PECR: variants seen among roughly 807,000 people sequenced by gnomAD.
PECR encodes the protein peroxisomal trans-2-enoyl-CoA reductase.
PECR carries 30 observed loss-of-function variants against 35.3 expected under a neutral mutation model. The observed-to-expected ratio is 0.85, with a 90% CI of 0.64 to 1.15. The LOEUF is 1.15. PECR is among the 50% of genes most tolerant of loss of function. PECR has a pLI of 0.00. For synonymous variants in PECR, 148 were observed against 138.9 expected, an observed-to-expected ratio of 1.07 and a Z score of -0.46; for missense variants, 392 against 370.8, an observed-to-expected ratio of 1.06 and a Z score of -0.47.
intron 1 of PECR, among the ~76,000 whole-genome samples, chr2:216,072,675 T>C (rs552858598): frequency 7.9e-5 from 12 of 152,336 alleles, no homozygotes; most frequent in Non-Finnish European, 1.5e-4. Flanking sequence ...TCCAGTTCTA[T>C]CCATGTTCCT....
Position 216,043,922 on chromosome 2 carries a change from G to C in PECR, c.808C>G (p.His270Asp). Reference protein sequence around the residue: ...DVDGGRSLYTHSYEVPDHDNW... With the variant: ...DVDGGRSLYTDSYEVPDHDNW... ...TGCTCACCTGGTACCTCATACGAGT[G>C]AGTATAGAGACTCCGGCCCCCATCC... is the stretch of plus-strand genomic sequence containing the variant. Residue 270 changes from histidine (H) to aspartate (D), a missense_variant, in exon 7 of 8, where the codon CAC (histidine) becomes GAC (aspartate). Coordinates refer to ENST00000265322, the MANE Select transcript of PECR (RefSeq NM_018441.6). The C allele has an allele frequency of 6.3e-7, 1 of 1,590,576 alleles. No homozygotes were observed. The highest frequency in any genetic ancestry group is 8.6e-7 in the Non-Finnish European group (1 of 1,158,280).
At chr2:216,075,317 A>G (rs1384839613) in intron 1 of PECR, among the ~76,000 whole-genome samples, 2 of 152,194 alleles carry the variant, frequency 1.3e-5, no homozygotes, top group Non-Finnish European at 2.9e-5. Context: ...GTAGGAAAAA[A>G]AACCATTACA....
chr2:216,032,278 G>T (rs906693114), intron 7 of PECR, among the ~76,000 whole-genome samples: 5 of 152,180 alleles, frequency 3.3e-5, no homozygotes, highest in African/African-American at 1.2e-4. Context: ...AAGCCAAATG[G>T]TCCAAAATAT....
At chr2:216,068,924 G>C (rs897053808) in intron 1 of PECR, among the ~76,000 whole-genome samples, 1 of 147,420 alleles carries the variant, frequency 6.8e-6, no homozygotes, top group Non-Finnish European at 1.5e-5. Context: ...TAAAGGTATA[G>C]TTCAAAGCAA....
rs1212855457 is a variant in PECR at position 216,043,838 on chromosome 2, T to C, written c.826+66A>G. The stretch of plus-strand genomic sequence containing the variant: ...TCATCTCTTAAGTAACTACTTATAA[T>C]AAATTTTAAACCCCTGAACATGACA... On this transcript the variant is annotated intron_variant, in intron 7 of 7. Coordinates refer to ENST00000265322, the MANE Select transcript of PECR (RefSeq NM_018441.6). 20 of 824,598 alleles carry C rather than the reference T, an allele frequency of 2.4e-5. No individual in the cohort carries two copies. In the East Asian group the frequency reaches 3.4e-4, roughly 14 times the overall value. The allele number at this position is 824,598 out of a possible 1,614,324, so 51.1% of individuals were successfully genotyped here. A position where few individuals can be genotyped will look rare whatever the true frequency, so the allele number is the denominator to read the frequency against.
chr2:216,081,137 T>G (rs143261766), intron 1 of PECR, among the ~76,000 whole-genome samples: 368 of 152,352 alleles, frequency 2.4e-3, no homozygotes, highest in African/African-American at 8.3e-3. Flanking sequence ...CCCTCACTTA[T>G]GTGTTTACAA....
chr2:216,034,555 A>G (rs1694763529), downstream of PECR, among the ~76,000 whole-genome samples: 1 of 151,800 alleles, frequency 6.6e-6, no homozygotes, highest in South Asian at 2.1e-4. Context: ...TCTCCTTCAC[A>G]GTTGTCAGAA....
At chr2:216,042,051 G>A (rs952334816) in intron 7 of PECR, among the ~76,000 whole-genome samples, 8 of 152,180 alleles carry the variant, frequency 5.3e-5, no homozygotes, top group African/African-American at 7.2e-5. Context: ...AGAGGGGGTC[G>A]TGGGAACCCC....
intron 6 of PECR, among the ~76,000 whole-genome samples, chr2:216,047,822 A>G (rs1237524896): frequency 6.6e-6 from 1 of 152,166 alleles, no homozygotes; most frequent in African/African-American, 2.4e-5. Context: ...AATTTAGGGA[A>G]ACCTGACTTT....
At chr2:216,069,725 C>G (rs922481139) in intron 1 of PECR, among the ~76,000 whole-genome samples, 1 of 152,024 alleles carries the variant, frequency 6.6e-6, no homozygotes, top group Non-Finnish European at 1.5e-5. Context: ...ATCACAAGGT[C>G]AGCAGTTCGA....
intron 6 of PECR, among the ~76,000 whole-genome samples, chr2:216,045,949 A>C (rs1331377719): frequency 6.6e-6 from 1 of 152,138 alleles, no homozygotes; most frequent in Non-Finnish European, 1.5e-5. Flanking sequence ...AGGCCGAGGC[A>C]GGTGGATCAC....
intron 3 of PECR, among the ~76,000 whole-genome samples, chr2:216,062,162 C>A (rs1365031952): frequency 1.3e-5 from 2 of 151,842 alleles, no homozygotes; most frequent in Non-Finnish European, 2.9e-5. Flanking sequence ...TCTCCTGCCT[C>A]AGCCTCCCAA....
chr2:216,066,005 T>A (rs536389497), intron 2 of PECR, among the ~76,000 whole-genome samples: 1 of 152,284 alleles, frequency 6.6e-6, no homozygotes, highest in East Asian at 1.9e-4. Flanking sequence ...GCACCTATAG[T>A]CCCAGCTACT....
At chr2:216,030,164 T>TA (rs1198798041) in intron 7 of PECR, among the ~76,000 whole-genome samples, 1 of 152,216 alleles carries the variant, frequency 6.6e-6, no homozygotes, top group East Asian at 1.9e-4. Context: ...GACAAATTTG[T>TA]AAAAATATAG....
intron 7 of PECR, among the ~76,000 whole-genome samples, chr2:216,040,376 C>T (rs2105941636): frequency 6.6e-6 from 1 of 152,288 alleles, no homozygotes; most frequent in East Asian, 1.9e-4. Flanking sequence ...GATCCTCCCA[C>T]CTAAGCCTCC....
chr2:216,046,306 A>ATTTT (rs1249960961), intron 6 of PECR, among the ~76,000 whole-genome samples: 2 of 115,472 alleles, frequency 1.7e-5, no homozygotes, highest in African/African-American at 8.0e-5. Flanking sequence ...ATATATATAT[A>ATTTT]TATATTTTTT....
Position 216,043,071 on chromosome 2 carries a change from G to GTATA in PECR, c.826+829_826+832dup, listed in dbSNP as rs71047966. On this transcript the variant is annotated intron_variant, in intron 7 of 7. Coordinates refer to ENST00000265322, the MANE Select transcript of PECR (RefSeq NM_018441.6). ...TATATACACATACGTATATATGTAT[G>GTATA]TATATATATACACATACATATATAT... 5.8e-4 allele frequency among the ~76,000 whole-genome samples: 74 copies of GTATA among 127,726 alleles called. 1 individual carries two copies. Among genetic ancestry groups the GTATA allele is most frequent in the South Asian group, 1.5e-3 (6 of 4,026 alleles). The allele number at this position is 127,726 out of a possible 152,430, so 83.8% of individuals were successfully genotyped here. A position where few individuals can be genotyped will look rare whatever the true frequency, so the allele number is the denominator to read the frequency against.
chr2:216,068,822 T>C (rs947468822), intron 1 of PECR, among the ~76,000 whole-genome samples: 11 of 150,332 alleles, frequency 7.3e-5, no homozygotes, highest in South Asian at 2.1e-4. Flanking sequence ...TTTTTTTTTT[T>C]TTTTTTTTTA....
At chr2:216,042,107 A>T (rs1386939071) in intron 7 of PECR, among the ~76,000 whole-genome samples, 1 of 152,166 alleles carries the variant, frequency 6.6e-6, no homozygotes, top group Non-Finnish European at 1.5e-5. Flanking sequence ...CAGACTTGTG[A>T]TGGTGTCCAA....
Sources: gnomAD v4.1 joint callset for allele counts (sites outside exome capture counted in the v4.1 genomes callset) on GRCh38, gnomAD v4.1.1 for gene constraint, MANE v1.5 for transcripts, NCBI Gene and HGNC (gene_info 2026-07-23, HGNC 2026-07-21) for gene names.